Variants in PARP16 observed in about 807,000 individuals in gnomAD.
PARP16 encodes the protein poly(ADP-ribose) polymerase family member 16.
PARP16 carries 31 observed loss-of-function variants against 35.0 expected under a neutral mutation model. That is an observed-to-expected ratio of 0.88 (90% CI 0.66 to 1.19). The LOEUF is 1.19. Among genes scored for constraint, PARP16 ranks in the 50% most tolerant of loss-of-function variants. PARP16 has a pLI of 0.00. For missense variants in PARP16, 424 were observed against 411.2 expected (o/e 1.03, Z -0.27); for synonymous variants, 162 against 169.5 (o/e 0.96, Z 0.34).
chr15:65,275,003 TA>T (rs2090204447), intron 1 of PARP16, among the ~76,000 whole-genome samples: 1 of 151,958 alleles, frequency 6.6e-6, no homozygotes. Flanking sequence ...GAATCCCAGC[TA>T]CTCTGGAGAC....
chr15:65,233,843 C>G (rs1194299105), downstream of PARP16, among the ~76,000 whole-genome samples: 2 of 151,972 alleles, frequency 1.3e-5, no homozygotes, highest in Non-Finnish European at 2.9e-5. Flanking sequence ...CGTTGCGCAA[C>G]TTGCCTTTGA....
chr15:65,233,477 GC>G (rs2088808113), downstream of PARP16, among the ~76,000 whole-genome samples: 1 of 152,148 alleles, frequency 6.6e-6, no homozygotes, highest in Non-Finnish European at 1.5e-5. Context: ...GGTGGCTCAT[GC>G]CTGTAATCCC....
At chr15:65,277,333 A>G (rs1490948507) in intron 1 of PARP16, among the ~76,000 whole-genome samples, 5 of 152,134 alleles carry the variant, frequency 3.3e-5, no homozygotes, top group African/African-American at 1.2e-4. Context: ...GCAGAGCCCC[A>G]TGTTGGTACC....
intron 1 of PARP16, 50 bp downstream of exon 1, chr15:65,286,203 G>A (rs1217225657): frequency 1.9e-5 from 27 of 1,422,126 alleles, no homozygotes; most frequent in Non-Finnish European, 2.5e-5. Context: ...GGTTCCACAG[G>A]GCACTTGGTC....
intron 3 of PARP16, among the ~76,000 whole-genome samples, chr15:65,247,350 AG>A (rs1018612469): frequency 1.3e-5 from 2 of 152,200 alleles, no homozygotes; most frequent in African/African-American, 2.4e-5. Context: ...AATCCTGATG[AG>A]GTTAAATAAC....
downstream of PARP16, among the ~76,000 whole-genome samples, chr15:65,255,546 CCA>C (rs1162374638): frequency 6.6e-6 from 1 of 151,866 alleles, no homozygotes; most frequent in Non-Finnish European, 1.5e-5. Context: ...CCTCTAGACT[CCA>C]GAGTTTTCCT....
chr15:65,259,597 T>A (rs1354428938), intron 5 of PARP16, 55 bp from the exon 6 acceptor site: 4 of 1,549,522 alleles, frequency 2.6e-6, no homozygotes, highest in African/African-American at 2.7e-5. Flanking sequence ...ACATTTTTTT[T>A]AAGTGTGTAC....
chr15:65,248,370 C>T (rs1285633749), intron 2 of PARP16: 1 of 439,826 alleles, frequency 2.3e-6, no homozygotes, highest in East Asian at 7.0e-5. Context: ...ATTATTTACA[C>T]CAAAATAACC....
rs750894248 is a variant in PARP16 at position 65,258,389 on chromosome 15, C to T, written c.*1018G>A. The T allele has an allele frequency of 1.3e-5, 2 of 152,258 alleles. No homozygotes were observed. Among genetic ancestry groups the T allele is most frequent in the Non-Finnish European group, 2.9e-5 (2 of 68,050 alleles). The allele number at this position is 152,258 out of a possible 1,614,324, so 9.4% of individuals were successfully genotyped here. A position where few individuals can be genotyped will look rare whatever the true frequency, so the allele number is the denominator to read the frequency against. On this transcript the variant is annotated 3_prime_UTR_variant, in exon 6 of 6. Transcript: ENST00000649807. ...AGACCTGTGACCCCTCTGAAGGAGG[C>T]TCCATCCACATGGATCTGTGGCACA...
chr15:65,255,743 GAAAAAAA>G (rs56665485), downstream of PARP16, among the ~76,000 whole-genome samples: 1 of 57,160 alleles, frequency 1.7e-5, no homozygotes, highest in African/African-American at 8.5e-5. Context: ...AGAAAACTCA[GAAAAAAA>G]AAAAAAAAAA....
Position 65,286,298 on chromosome 15 carries a change from G to T in PARP16, c.129C>A (p.Phe43Leu), listed in dbSNP as rs748193657. Residue 43 changes from phenylalanine (F) to leucine (L), a missense_variant, in exon 1 of 6, where the codon TTC becomes TTA. Phe to Leu is a conservative substitution (Grantham distance 22). Coordinates refer to ENST00000649807, the MANE Select transcript of PARP16 (RefSeq NM_001316943.2). ...SYKRDSVLRP[F>L]PASYARGDCK... ...AGTCGCCGCGGGCGTAGGACGCGGG[G>T]AAGGGCCGCAGCACCGAGTCGCGCT... is the stretch of plus-strand genomic sequence containing the variant. 6.2e-7 allele frequency: 1 copy of T among 1,602,006 alleles called. No individual in the cohort carries two copies. Among genetic ancestry groups the T allele is most frequent in the African/African-American group, 1.4e-5 (1 of 73,268 alleles).
At chr15:65,240,375 G>A (rs578070426) in intron 3 of PARP16, among the ~76,000 whole-genome samples, 16 of 144,192 alleles carry the variant, frequency 1.1e-4, no homozygotes, top group African/African-American at 4.4e-4. Context: ...GGGATTACAG[G>A]CGTGAGCCAC....
chr15:65,275,346 C>A (rs904075401), intron 1 of PARP16, among the ~76,000 whole-genome samples: 2 of 152,040 alleles, frequency 1.3e-5, no homozygotes, highest in Admixed American at 1.3e-4. Context: ...TGCAGTTCTC[C>A]CAGGCATCTG....
chr15:65,253,620 G>A (rs866669938), downstream of PARP16, among the ~76,000 whole-genome samples: 3 of 152,034 alleles, frequency 2.0e-5, no homozygotes, highest in Non-Finnish European at 4.4e-5. Context: ...GTGAGCCACC[G>A]CGCCCGGCCT....
intron 3 of PARP16, among the ~76,000 whole-genome samples, chr15:65,246,389 G>T (rs12591312): frequency 0.05 from 7,667 of 152,224 alleles, 604 homozygotes; most frequent in East Asian, 0.39. Flanking sequence ...GGTCATGGAG[G>T]TCTCCTTGGT....
chr15:65,231,182 C>T (rs770045033), downstream of PARP16, among the ~76,000 whole-genome samples: 7 of 152,046 alleles, frequency 4.6e-5, no homozygotes, highest in Non-Finnish European at 1.0e-4. Flanking sequence ...GCCACCATGC[C>T]CGGCCTAGAT....
chr15:65,276,031 C>T (rs73468776), intron 1 of PARP16, among the ~76,000 whole-genome samples: 2,361 of 152,266 alleles, frequency 0.016, 74 homozygotes, highest in African/African-American at 0.055. Context: ...GGAGAGATGC[C>T]TCCTAGCTCC....
At chr15:65,275,354 CTG>C (rs1000204342) in intron 1 of PARP16, among the ~76,000 whole-genome samples, 1 of 152,106 alleles carries the variant, frequency 6.6e-6, no homozygotes, top group Non-Finnish European at 1.5e-5. Flanking sequence ...TCCCAGGCAT[CTG>C]GGGCTCTATT....
intron 2 of PARP16, among the ~76,000 whole-genome samples, chr15:65,251,036 A>G (rs1268384744): frequency 1.3e-5 from 2 of 152,048 alleles, no homozygotes; most frequent in African/African-American, 4.8e-5. Flanking sequence ...GGCGTGCACC[A>G]CCATGCCCAG....
Sources: gnomAD v4.1 joint callset for allele counts (sites outside exome capture counted in the v4.1 genomes callset) on GRCh38, gnomAD v4.1.1 for gene constraint, MANE v1.5 for transcripts, NCBI Gene and HGNC (gene_info 2026-07-23, HGNC 2026-07-21) for gene names.